TOM1L1: variants seen among roughly 807,000 people sequenced by gnomAD.
The protein encoded by TOM1L1 is target of myb1 like 1 membrane trafficking protein.
In TOM1L1, 64 loss-of-function variants were observed where a neutral mutation model predicts 63.4. That is an observed-to-expected ratio of 1.01 (90% CI 0.83 to 1.24). TOM1L1 has a LOEUF of 1.24. Ranked by LOEUF, TOM1L1 falls within the 50% of genes most tolerant of loss-of-function variation. TOM1L1 has a pLI of 0.00. For synonymous variants in TOM1L1, 166 were observed against 194.4 expected (o/e 0.85, Z 1.22); for missense variants, 536 against 567.0 (o/e 0.95, Z 0.55).
At chr17:54,909,594 T>A (rs1464227350) in intron 3 of TOM1L1, among the ~76,000 whole-genome samples, 1 of 152,248 alleles carries the variant, frequency 6.6e-6, no homozygotes, top group Non-Finnish European at 1.5e-5. Context: ...TGCCATGTAT[T>A]GAGGTCCTGC....
intron 7 of TOM1L1, 53 bp downstream of exon 7, chr17:54,915,915 C>T: frequency 2.1e-6 from 3 of 1,416,182 alleles, no homozygotes; most frequent in Middle Eastern, 1.8e-4. Flanking sequence ...AAGTTATTCT[C>T]TAAACTTTGA....
At chr17:54,937,360 G>A (rs2143897776) in intron 10 of TOM1L1, 134 bp downstream of exon 10, 1 of 734,654 alleles carries the variant, frequency 1.4e-6, no homozygotes, top group East Asian at 2.5e-5. Context: ...GTTAGGAGAT[G>A]TGATTACTTC....
chr17:54,914,268 C>T (rs2048547470), intron 5 of TOM1L1, among the ~76,000 whole-genome samples: 1 of 151,140 alleles, frequency 6.6e-6, no homozygotes, highest in Non-Finnish European at 1.5e-5. Context: ...TCAGCTGTGG[C>T]TTAAAAGGAC....
At chr17:54,901,629 T>C (rs1247521647) in intron 1 of TOM1L1, among the ~76,000 whole-genome samples, 1 of 152,088 alleles carries the variant, frequency 6.6e-6, no homozygotes, top group African/African-American at 2.4e-5. Context: ...CACTGCTCCT[T>C]CTTTTCCCTG....
At chr17:54,960,244 A>G (rs943061316) in intron 14 of TOM1L1, among the ~76,000 whole-genome samples, 1 of 152,102 alleles carries the variant, frequency 6.6e-6, no homozygotes, top group Non-Finnish European at 1.5e-5. Context: ...GTGTCCCTGT[A>G]ATCCCAGCTA....
chr17:54,935,720 C>T (rs557974723), intron 8 of TOM1L1, among the ~76,000 whole-genome samples: 29 of 152,286 alleles, frequency 1.9e-4, no homozygotes, highest in African/African-American at 6.7e-4. Context: ...TTGCCTTCAA[C>T]TTCTCTGGTC....
At position 54,914,698 on chromosome 17, in the gene TOM1L1, T is replaced by G. The variant is rs768576388; in HGVS notation, c.558T>G (p.Ser186=). ...TSVPTAPALS[S]VIAPKNSTVT... ...TCCCTACTGCACCAGCTCTTTCTTCTGTAATTGCTCCAAAGAACTCGACTG... is the reference window on the plus strand; with the variant it reads ...TCCCTACTGCACCAGCTCTTTCTTCGGTAATTGCTCCAAAGAACTCGACTG... Residue 186 remains serine, a synonymous_variant, in exon 6 of 16, where the codon TCT becomes TCG. Coordinates refer to ENST00000575882, the MANE Select transcript of TOM1L1 (RefSeq NM_005486.3). 6.8e-6 allele frequency: 11 copies of G among 1,613,924 alleles called. No individual in the cohort carries two copies. Among genetic ancestry groups the G allele is most frequent in the Non-Finnish European group, 8.5e-7 (1 of 1,179,916 alleles).
intron 7 of TOM1L1, among the ~76,000 whole-genome samples, chr17:54,920,253 C>T (rs375960966): frequency 5.3e-5 from 8 of 151,886 alleles, no homozygotes; most frequent in African/African-American, 1.5e-4. Context: ...TGAGGGCCCA[C>T]GGGCATACTC....
At chr17:54,913,067 C>T (rs1464201542) in intron 4 of TOM1L1, among the ~76,000 whole-genome samples, 1 of 152,158 alleles carries the variant, frequency 6.6e-6, no homozygotes, top group East Asian at 1.9e-4. Flanking sequence ...AGACAGTGAT[C>T]TGTGTGTTCA....
rs1215758607 is a variant in TOM1L1 at position 54,961,626 on chromosome 17, G to T, written c.*393G>T. The T allele has an allele frequency of 9.0e-7, 1 of 1,109,470 alleles. No homozygotes were observed. The highest frequency in any genetic ancestry group is 1.6e-5 in the African/African-American group (1 of 60,748). 68.7% of individuals were successfully genotyped at this position (1,109,470 alleles called of 1,614,324 possible). On this transcript the variant is annotated 3_prime_UTR_variant, in exon 16 of 16. Transcript: ENST00000575882. ...CTGAATAGATGAAAGCATAAAATGT[G>T]AGAAACTGAATGTATTATTCAGGAA... is the stretch of plus-strand genomic sequence containing the variant.
At chr17:54,911,513 A>G (rs915347656) in intron 3 of TOM1L1, among the ~76,000 whole-genome samples, 1 of 151,752 alleles carries the variant, frequency 6.6e-6, no homozygotes, top group Admixed American at 6.6e-5. Context: ...TTACACCTAG[A>G]CCAGCCATAC....
intron 11 of TOM1L1, among the ~76,000 whole-genome samples, chr17:54,939,843 C>G (rs754287310): frequency 6.6e-6 from 1 of 152,102 alleles, no homozygotes; most frequent in African/African-American, 2.4e-5. Context: ...ACTGCACCAG[C>G]CTGTTATCAT....
At chr17:54,949,128 C>G (rs928130247) in intron 12 of TOM1L1, among the ~76,000 whole-genome samples, 4 of 151,996 alleles carry the variant, frequency 2.6e-5, no homozygotes, top group African/African-American at 9.7e-5. Context: ...CAGCTTCAAA[C>G]CCCTAGGCTC....
At chr17:54,904,460 C>T (rs1253982099) in intron 2 of TOM1L1, among the ~76,000 whole-genome samples, 1 of 151,656 alleles carries the variant, frequency 6.6e-6, no homozygotes, top group Non-Finnish European at 1.5e-5. Context: ...TTGATGAAAC[C>T]ATCAAATATT....
At chr17:54,945,105 G>A (rs1344161775) in intron 11 of TOM1L1, among the ~76,000 whole-genome samples, 3 of 151,906 alleles carry the variant, frequency 2.0e-5, no homozygotes, top group Admixed American at 6.6e-5. Flanking sequence ...GTACTCCTTG[G>A]ATTTCTTAGC....
chr17:54,922,354 C>G (rs944329073), intron 7 of TOM1L1, among the ~76,000 whole-genome samples: 3 of 152,038 alleles, frequency 2.0e-5, no homozygotes, highest in Non-Finnish European at 2.9e-5. Flanking sequence ...CACCTGTAAT[C>G]CTAGCACTCT....
At chr17:54,945,935 T>G (rs1172626102) in intron 11 of TOM1L1, among the ~76,000 whole-genome samples, 1 of 152,208 alleles carries the variant, frequency 6.6e-6, no homozygotes, top group African/African-American at 2.4e-5. Context: ...CCTCATAATT[T>G]TGGATTCTAT....
chr17:54,924,946 A>G (rs2048744222), intron 7 of TOM1L1, among the ~76,000 whole-genome samples: 2 of 152,182 alleles, frequency 1.3e-5, no homozygotes. Flanking sequence ...CACATACGGT[A>G]TATTCTAATT....
intron 8 of TOM1L1, among the ~76,000 whole-genome samples, chr17:54,934,618 T>C (rs965229281): frequency 1.3e-5 from 2 of 152,118 alleles, no homozygotes; most frequent in African/African-American, 2.4e-5. Context: ...AATAAAGAAA[T>C]TGAAATTTGT....
Sources: gnomAD v4.1 joint callset for allele counts (sites outside exome capture counted in the v4.1 genomes callset) on GRCh38, gnomAD v4.1.1 for gene constraint, MANE v1.5 for transcripts, NCBI Gene and HGNC (gene_info 2026-07-23, HGNC 2026-07-21) for gene names.